Variants in PVT1 observed in about 807,000 individuals in gnomAD.
PVT1 encodes Pvt1 oncogene, also known as CXCR4/PVT1 fusion.
At chr8:127,827,197 G>C (rs1275263482) in intron 2 of PVT1, among the ~76,000 whole-genome samples, 2 of 152,016 alleles carry the variant, frequency 1.3e-5, no homozygotes, top group Non-Finnish European at 2.9e-5. Context: ...GTTTCTCCAT[G>C]TTGGTCAGGC....
chr8:127,882,183 C>T (rs746945789), intron 2 of PVT1, among the ~76,000 whole-genome samples: 1 of 152,152 alleles, frequency 6.6e-6, no homozygotes, highest in South Asian at 2.1e-4. Flanking sequence ...AATGAGGAAT[C>T]GGGTGAGTGT....
intron 3 of PVT1, among the ~76,000 whole-genome samples, chr8:127,928,095 C>T (rs969411356): frequency 6.6e-6 from 1 of 152,168 alleles, no homozygotes; most frequent in Non-Finnish European, 1.5e-5. Flanking sequence ...CTAGGCCCAT[C>T]TGTGTACTTC....
chr8:127,901,461 G>T (rs1053674875), intron 3 of PVT1, among the ~76,000 whole-genome samples: 4 of 152,220 alleles, frequency 2.6e-5, no homozygotes, highest in African/African-American at 9.6e-5. Context: ...GGCCCAGAAG[G>T]ACACTTCAGG....
In PVT1 at chr8:127,803,182, G is replaced by C. The variant is rs1033388348; in HGVS notation, n.372+7111G>C. On this transcript the variant is annotated intron_variant and non_coding_transcript_variant, in intron 2 of 10. Coordinates refer to ENST00000651587, the Ensembl canonical transcript of PVT1. ...CTCCTTCTGTCGCCCAGGCTGGAGT[G>C]CAGTGGCGAGATCTCGGCTCACTGC... is the stretch of plus-strand genomic sequence containing the variant. The C allele has an allele frequency of 2.2e-5, 3 of 139,412 alleles. No individual in the cohort carries two copies. In the Admixed American group the frequency reaches 2.3e-4, roughly 11 times the overall value. The allele number at this position is 139,412 out of a possible 1,614,324, so 8.6% of individuals were successfully genotyped here. A position where few individuals can be genotyped will look rare whatever the true frequency, so the allele number is the denominator to read the frequency against.
chr8:127,938,872 T>C (rs1417468719), intron 3 of PVT1, among the ~76,000 whole-genome samples: 1 of 152,222 alleles, frequency 6.6e-6, no homozygotes, highest in East Asian at 1.9e-4. Flanking sequence ...GGGAAGTTGG[T>C]TGAGCGTCTC....
At chr8:127,950,411 G>A (rs953754722) in intron 3 of PVT1, among the ~76,000 whole-genome samples, 1 of 152,228 alleles carries the variant, frequency 6.6e-6, no homozygotes, top group Non-Finnish European at 1.5e-5. Flanking sequence ...CATGTGGGGA[G>A]ATGCGGCCAG....
chr8:128,036,082 C>T (rs1813458453), intron 4 of PVT1, among the ~76,000 whole-genome samples: 1 of 152,180 alleles, frequency 6.6e-6, no homozygotes, highest in African/African-American at 2.4e-5. Flanking sequence ...AACACCACTT[C>T]CCTAGTGATG....
intron 4 of PVT1, among the ~76,000 whole-genome samples, chr8:128,059,351 G>C (rs749739813): frequency 7.2e-5 from 11 of 152,142 alleles, no homozygotes; most frequent in Non-Finnish European, 1.6e-4. Flanking sequence ...CACTGTTTAC[G>C]TGTCCACCAG....
intron 3 of PVT1, among the ~76,000 whole-genome samples, chr8:127,891,356 G>T (rs1465729493): frequency 6.6e-6 from 1 of 152,218 alleles, no homozygotes; most frequent in East Asian, 1.9e-4. Context: ...ATGAAGACAT[G>T]GGAGATTCAA....
chr8:127,881,643 G>T (rs117423716), intron 2 of PVT1, among the ~76,000 whole-genome samples: 4 of 151,772 alleles, frequency 2.6e-5, no homozygotes, highest in African/African-American at 9.7e-5. Context: ...TTTTGGTAGC[G>T]ATGGAGTTTC....
intron 4 of PVT1, among the ~76,000 whole-genome samples, chr8:127,991,775 G>A (rs1447900178): frequency 6.6e-6 from 1 of 152,216 alleles, no homozygotes. Context: ...GACAGAACCT[G>A]AAGAAAGGCC....
At chr8:128,046,948 T>G (rs564456555) in intron 4 of PVT1, among the ~76,000 whole-genome samples, 1 of 152,214 alleles carries the variant, frequency 6.6e-6, no homozygotes, top group African/African-American at 2.4e-5. Flanking sequence ...CTGCTCTGCC[T>G]TCACGGTCCC....
intron 3 of PVT1, among the ~76,000 whole-genome samples, chr8:127,970,080 A>G (rs1490390558): frequency 6.6e-6 from 1 of 152,138 alleles, no homozygotes; most frequent in Non-Finnish European, 1.5e-5. Context: ...AAGTATGCCC[A>G]ACCCCCCTTT....
chr8:127,992,799 T>C (rs4733816), intron 4 of PVT1, among the ~76,000 whole-genome samples: 140,109 of 152,284 alleles, frequency 0.92, 64,590 homozygotes, highest in East Asian at 1. Flanking sequence ...GGCCTTGCCT[T>C]CCCCTGGTGT....
chr8:127,827,843 G>A (rs899039874), intron 2 of PVT1, among the ~76,000 whole-genome samples: 1 of 152,206 alleles, frequency 6.6e-6, no homozygotes, highest in African/African-American at 2.4e-5. Flanking sequence ...TGTCCTGAAA[G>A]CCTTTGATCT....
chr8:128,089,704 G>A (rs1814325279), intron 5 of PVT1, among the ~76,000 whole-genome samples: 1 of 152,184 alleles, frequency 6.6e-6, no homozygotes, highest in Non-Finnish European at 1.5e-5. Context: ...GTTGAGATTA[G>A]AAGAAAATCA....
intron 2 of PVT1, among the ~76,000 whole-genome samples, chr8:127,796,956 G>C (rs1346127978): frequency 1.4e-5 from 2 of 141,870 alleles, no homozygotes; most frequent in Non-Finnish European, 3.0e-5. Context: ...TCAGCTCACT[G>C]CAACTTCCGC....
chr8:127,860,456 TAGGC>T (rs1219056580), intron 2 of PVT1, among the ~76,000 whole-genome samples: 1 of 151,980 alleles, frequency 6.6e-6, no homozygotes, highest in Non-Finnish European at 1.5e-5. Context: ...GCTTTGCTGA[TAGGC>T]AGCCCTGTAG....
chr8:127,901,862 A>G (rs938039324), intron 3 of PVT1, among the ~76,000 whole-genome samples: 1 of 151,936 alleles, frequency 6.6e-6, no homozygotes, highest in Non-Finnish European at 1.5e-5. Context: ...TTGTTCTCCC[A>G]AAGTGCTGGG....
Sources: gnomAD v4.1 joint callset for allele counts (sites outside exome capture counted in the v4.1 genomes callset) on GRCh38, gnomAD v4.1.1 for gene constraint, MANE v1.5 for transcripts, NCBI Gene and HGNC (gene_info 2026-07-23, HGNC 2026-07-21) for gene names.